Variants in ADD3 observed in about 807,000 individuals in gnomAD.
ADD3 encodes the protein gamma-adducin.
Under a neutral mutation model 80.2 loss-of-function variants are expected in ADD3, and 25 were observed. The ratio of observed to expected loss-of-function variants is 0.31; its 90% CI spans 0.23 to 0.44. The LOEUF (loss-of-function observed/expected upper bound fraction) is 0.44, where lower values mean the gene tolerates loss of function less well. Among genes scored for constraint, ADD3 ranks in the 20% least tolerant of loss-of-function variants. The pLI is 1.00. For missense variants in ADD3, 829 were observed against 847.5 expected (o/e 0.98, Z 0.27); for synonymous variants, 284 against 289.6 (o/e 0.98, Z 0.20).
chr10:110,065,238 A>G (rs937544966), intron 1 of ADD3, among the ~76,000 whole-genome samples: 1 of 152,100 alleles, frequency 6.6e-6, no homozygotes, highest in African/African-American at 2.4e-5. Flanking sequence ...TAGATATACA[A>G]TTCCTAGACT....
chr10:110,132,231 G>A, intron 13 of ADD3, 74 bp from the exon 14 acceptor site: 1 of 974,266 alleles, frequency 1.0e-6, no homozygotes, highest in Non-Finnish European at 1.6e-6. Flanking sequence ...TTTGATGTAT[G>A]CACTAACCTC....
intron 1 of ADD3, among the ~76,000 whole-genome samples, chr10:110,056,659 TAA>T (rs1858231136): frequency 6.6e-6 from 1 of 152,172 alleles, no homozygotes; most frequent in Non-Finnish European, 1.5e-5. Flanking sequence ...TAATTTGCTC[TAA>T]GAGTTAATAA....
intron 1 of ADD3, among the ~76,000 whole-genome samples, chr10:110,074,078 G>A (rs530733581): frequency 6.6e-6 from 1 of 152,264 alleles, no homozygotes; most frequent in East Asian, 1.9e-4. Context: ...ATTTCTAGAA[G>A]TTGGTGTCAC....
At chr10:110,020,741 G>A (rs899097175) in intron 1 of ADD3, among the ~76,000 whole-genome samples, 4 of 152,178 alleles carry the variant, frequency 2.6e-5, no homozygotes, top group Non-Finnish European at 1.5e-5. Flanking sequence ...GATGTATCTG[G>A]TAGAGGTAGT....
intron 1 of ADD3, among the ~76,000 whole-genome samples, chr10:110,012,002 T>A (rs1344895422): frequency 6.6e-6 from 1 of 152,266 alleles, no homozygotes; most frequent in Non-Finnish European, 1.5e-5. Flanking sequence ...TTTCATTGGC[T>A]GTTGCTTGAA....
chr10:110,079,201 A>T (rs929743789), intron 1 of ADD3: 1 of 152,162 alleles, frequency 6.6e-6, no homozygotes, highest in Non-Finnish European at 1.5e-5. Context: ...AGAGTGTCAG[A>T]TTACCATTGA....
At chr10:110,040,964 GTCTCTC>G (rs66979569) in intron 1 of ADD3, among the ~76,000 whole-genome samples, 115,218 of 149,288 alleles carry the variant, frequency 0.77, 48,824 homozygotes, top group East Asian at 0.97. Context: ...GTCTCTCTCT[GTCTCTC>G]TCTCTCTCTC....
At chr10:110,052,280 C>T (rs879707372) in intron 1 of ADD3, among the ~76,000 whole-genome samples, 3 of 152,166 alleles carry the variant, frequency 2.0e-5, no homozygotes, top group African/African-American at 4.8e-5. Context: ...AATCACTGCT[C>T]ATAAGATATC....
chr10:110,126,298 G>C (rs1852148477), intron 11 of ADD3, 119 bp from the exon 12 acceptor site: 2 of 721,372 alleles, frequency 2.8e-6, no homozygotes, highest in African/African-American at 3.5e-5. Flanking sequence ...ATGGAGGTGG[G>C]AATTGAAGAG....
intron 1 of ADD3, among the ~76,000 whole-genome samples, chr10:110,048,738 T>C (rs1413677694): frequency 6.6e-6 from 1 of 152,168 alleles, no homozygotes; most frequent in East Asian, 1.9e-4. Flanking sequence ...ACTTGGGTGC[T>C]GTTAAAAGCA....
intron 1 of ADD3, among the ~76,000 whole-genome samples, chr10:110,062,474 A>T (rs1212458569): frequency 2.0e-5 from 3 of 151,532 alleles, no homozygotes; most frequent in Non-Finnish European, 4.4e-5. Context: ...CCCAGCTATT[A>T]GGTGGCTGAG....
rs1443878675 is a variant in ADD3 at position 110,073,133 on chromosome 10, G to GT, written c.-29-27488dup. Among the ~76,000 whole-genome samples the GT allele has an allele frequency of 2.6e-3, 281 of 106,468 alleles. 4 individuals carry two copies. The highest frequency in any genetic ancestry group is 3.7e-3 in the Non-Finnish European group (201 of 53,996). 69.8% of individuals were successfully genotyped at this position (106,468 alleles called of 152,430 possible). A position where few individuals can be genotyped will look rare whatever the true frequency, so the allele number is the denominator to read the frequency against. On this transcript the variant is annotated intron_variant, in intron 1 of 14. Coordinates refer to ENST00000356080, the MANE Select transcript of ADD3 (RefSeq NM_016824.5). ...ATTTGCTTAACCTCTTTGAGTTTTA[G>GT]TTTTCTTTTTTTTTTTTTTTTTTTT...
intron 1 of ADD3, among the ~76,000 whole-genome samples, chr10:109,997,040 T>TC (rs1464187564): frequency 6.6e-6 from 1 of 152,214 alleles, no homozygotes; most frequent in African/African-American, 2.4e-5. Context: ...CTGAGGTCAC[T>TC]CTAACTTAAG....
At chr10:110,099,591 T>C (rs1848570309) in intron 1 of ADD3, among the ~76,000 whole-genome samples, 1 of 152,204 alleles carries the variant, frequency 6.6e-6, no homozygotes, top group Admixed American at 6.5e-5. Flanking sequence ...ATCTCAGTTA[T>C]GTATCTTATA....
chr10:110,030,385 G>A (rs1341431638), intron 1 of ADD3, among the ~76,000 whole-genome samples: 2 of 150,558 alleles, frequency 1.3e-5, no homozygotes, highest in Non-Finnish European at 3.0e-5. Context: ...ACCAATTTCT[G>A]AAACCTTCTG....
chr10:110,102,498 T>G (rs894830844), intron 2 of ADD3, among the ~76,000 whole-genome samples: 1 of 152,120 alleles, frequency 6.6e-6, no homozygotes. Flanking sequence ...AGTCTCATAC[T>G]TGGGAGGCTG....
At chr10:110,010,045 C>T (rs185758076) in intron 1 of ADD3, among the ~76,000 whole-genome samples, 38 of 152,312 alleles carry the variant, frequency 2.5e-4, no homozygotes, top group Non-Finnish European at 4.6e-4. Flanking sequence ...CTGTCTCACC[C>T]CTTTCTTCAA....
At chr10:110,012,765 T>C (rs940413366) in intron 1 of ADD3, among the ~76,000 whole-genome samples, 2 of 152,124 alleles carry the variant, frequency 1.3e-5, no homozygotes, top group Admixed American at 6.5e-5. Context: ...CTTTTTTTTT[T>C]TTCTTCTTTT....
intron 1 of ADD3, among the ~76,000 whole-genome samples, chr10:110,040,065 G>C (rs907195704): frequency 6.6e-6 from 1 of 152,234 alleles, no homozygotes; most frequent in African/African-American, 2.4e-5. Context: ...GATACAGCGT[G>C]AGAAGGGACT....
Sources: gnomAD v4.1 joint callset for allele counts (sites outside exome capture counted in the v4.1 genomes callset) on GRCh38, gnomAD v4.1.1 for gene constraint, MANE v1.5 for transcripts, NCBI Gene and HGNC (gene_info 2026-07-23, HGNC 2026-07-21) for gene names.